NCKAP5: variants seen among roughly 807,000 people sequenced by gnomAD.
NCKAP5 encodes the protein nck-associated protein 5.
Under a neutral mutation model 167.0 loss-of-function variants are expected in NCKAP5, and 92 were observed. That is an observed-to-expected ratio of 0.55 (90% CI 0.47 to 0.66). The LOEUF is 0.66. Among genes scored for constraint, NCKAP5 ranks in the 30% least tolerant of loss-of-function variants. The pLI is 0.00. For missense variants in NCKAP5, 2,378 were observed against 2,315.0 expected (o/e 1.03, Z -0.56); for synonymous variants, 891 against 877.4 (o/e 1.02, Z -0.27).
chr2:133,432,360 C>T (rs1010010761), intron 3 of NCKAP5, among the ~76,000 whole-genome samples: 6 of 152,174 alleles, frequency 3.9e-5, no homozygotes, highest in African/African-American at 1.4e-4. Context: ...TTATTTAAGT[C>T]AAAAAGACTC....
chr2:132,932,431 A>G (rs962226856), intron 8 of NCKAP5, among the ~76,000 whole-genome samples: 3 of 152,210 alleles, frequency 2.0e-5, no homozygotes, highest in Non-Finnish European at 4.4e-5. Flanking sequence ...GGGAAAAAGT[A>G]CAGAGTGAAA....
chr2:132,676,110 T>C (rs897001802), intron 19 of NCKAP5, among the ~76,000 whole-genome samples: 2 of 152,074 alleles, frequency 1.3e-5, no homozygotes, highest in African/African-American at 2.4e-5. Flanking sequence ...GGTGCAGATC[T>C]TTCGATTTCA....
At chr2:133,566,527 G>A (rs1160348985) in intron 1 of NCKAP5, among the ~76,000 whole-genome samples, 1 of 152,222 alleles carries the variant, frequency 6.6e-6, no homozygotes, top group Non-Finnish European at 1.5e-5. Context: ...AAACGGGAAT[G>A]TTCTCTCTTT....
At chr2:132,917,288 T>C (rs373140473) in intron 8 of NCKAP5, among the ~76,000 whole-genome samples, 3 of 152,176 alleles carry the variant, frequency 2.0e-5, no homozygotes, top group East Asian at 1.9e-4. Context: ...TTTTAGAAAA[T>C]GATTTTTAAA....
intron 6 of NCKAP5, among the ~76,000 whole-genome samples, chr2:133,112,854 GTC>G (rs1401276145): frequency 6.6e-6 from 1 of 152,222 alleles, no homozygotes; most frequent in Non-Finnish European, 1.5e-5. Context: ...GGAGCAGACT[GTC>G]TCATAGCTGA....
intron 9 of NCKAP5, among the ~76,000 whole-genome samples, chr2:132,876,474 A>G (rs569339304): frequency 6.6e-6 from 1 of 152,314 alleles, no homozygotes; most frequent in East Asian, 1.9e-4. Context: ...AACTTACATA[A>G]GGCCTTACCT....
At chr2:132,896,880 G>A (rs569803255) in intron 8 of NCKAP5, among the ~76,000 whole-genome samples, 70 of 152,266 alleles carry the variant, frequency 4.6e-4, no homozygotes, top group Non-Finnish European at 7.8e-4. Flanking sequence ...AGGAACACAC[G>A]GTTTCAAGCT....
In NCKAP5 at chr2:133,271,812, G is replaced by A. The variant is rs536562873; in HGVS notation, c.143+31225C>T. Among the ~76,000 whole-genome samples, 10 of 152,314 alleles carry A rather than the reference G, an allele frequency of 6.6e-5. No homozygotes were observed. In the South Asian group the frequency reaches 2.1e-3, roughly 32 times the overall value. On this transcript the variant is annotated intron_variant, in intron 4 of 19. Coordinates refer to ENST00000409261, the MANE Select transcript of NCKAP5 (RefSeq NM_207363.3). ...TTCATTAATTTTTCTGGGGGTAAAA[G>A]TGATACTGTGGTTATAAAGAAAGTA...
chr2:133,006,158 C>T (rs1052121861), intron 6 of NCKAP5, among the ~76,000 whole-genome samples: 11 of 152,028 alleles, frequency 7.2e-5, no homozygotes. Flanking sequence ...ACTTGGGAGG[C>T]TGAGGTGGGA....
the NCKAP5 span, among the ~76,000 whole-genome samples, chr2:133,575,922 C>T: frequency 2.6e-5 from 4 of 152,366 alleles, no homozygotes; most frequent in Admixed American, 1.3e-4. Flanking sequence ...TTGTAGGCCA[C>T]TCTCACTCCA....
intron 3 of NCKAP5, among the ~76,000 whole-genome samples, chr2:133,423,271 GT>G (rs1187772251): frequency 6.6e-6 from 1 of 152,148 alleles, no homozygotes; most frequent in Non-Finnish European, 1.5e-5. Flanking sequence ...CTGCTTCTTG[GT>G]TGTGGCTCAA....
chr2:133,414,988 G>A (rs1449670721), intron 3 of NCKAP5, among the ~76,000 whole-genome samples: 1 of 152,148 alleles, frequency 6.6e-6, no homozygotes, highest in Non-Finnish European at 1.5e-5. Flanking sequence ...CCGCCCTAGT[G>A]TTGAACTTTG....
chr2:132,725,091 A>G (rs1253387494), intron 19 of NCKAP5, among the ~76,000 whole-genome samples: 1 of 152,226 alleles, frequency 6.6e-6, no homozygotes, highest in Non-Finnish European at 1.5e-5. Context: ...TGTATCTGAA[A>G]GGAAGTACCA....
chr2:133,183,593 A>G (rs2084824280), intron 5 of NCKAP5, among the ~76,000 whole-genome samples: 1 of 152,178 alleles, frequency 6.6e-6, no homozygotes, highest in Non-Finnish European at 1.5e-5. Context: ...ACTGGCCAAA[A>G]ACCAAACAAA....
chr2:132,781,898 A>T, intron 14 of NCKAP5, 42 bp downstream of exon 14: 1 of 1,550,564 alleles, frequency 6.4e-7, no homozygotes, highest in Non-Finnish European at 8.7e-7. Context: ...AAGGTGGTGG[A>T]GGGACCCCTC....
chr2:132,725,893 G>T, intron 18 of NCKAP5, 134 bp from the exon 19 acceptor site: 3 of 941,202 alleles, frequency 3.2e-6, no homozygotes, highest in Non-Finnish European at 4.6e-6. Context: ...TGCCCAGCCC[G>T]CCGCTCACCC....
intron 8 of NCKAP5, among the ~76,000 whole-genome samples, chr2:132,954,370 G>A (rs534582913): frequency 2.6e-5 from 4 of 152,194 alleles, no homozygotes; most frequent in Non-Finnish European, 5.9e-5. Flanking sequence ...CTTCATTTCT[G>A]GGATTCTTGA....
chr2:132,863,966 C>A (rs116466920), intron 10 of NCKAP5, among the ~76,000 whole-genome samples: 1 of 152,166 alleles, frequency 6.6e-6, no homozygotes, highest in African/African-American at 2.4e-5. Flanking sequence ...TCTTAGCTTC[C>A]TCTATGCTCC....
intron 11 of NCKAP5, among the ~76,000 whole-genome samples, chr2:132,814,251 C>T (rs764412380): frequency 3.0e-4 from 45 of 152,264 alleles, no homozygotes; most frequent in Admixed American, 1.5e-3. Context: ...GCTTTATCCC[C>T]AAAGCAGTTT....
Sources: gnomAD v4.1 joint callset for allele counts (sites outside exome capture counted in the v4.1 genomes callset) on GRCh38, gnomAD v4.1.1 for gene constraint, MANE v1.5 for transcripts, NCBI Gene and HGNC (gene_info 2026-07-23, HGNC 2026-07-21) for gene names.